The following SGCZ variants were observed in gnomAD, a reference collection of about 807,000 sequenced individuals.
The protein encoded by SGCZ is sarcoglycan zeta.
Under a neutral mutation model 41.3 loss-of-function variants are expected in SGCZ, and 40 were observed. The ratio of observed to expected loss-of-function variants is 0.97; its 90% CI spans 0.75 to 1.26. The LOEUF (loss-of-function observed/expected upper bound fraction) is 1.26, where lower values mean the gene tolerates loss of function less well. Ranked by LOEUF, SGCZ falls within the 50% of genes most tolerant of loss-of-function variation. SGCZ has a pLI of 0.00. For missense variants in SGCZ, 552 were observed against 369.8 expected (o/e 1.49, Z -4.04); for synonymous variants, 206 against 137.5 (o/e 1.50, Z -3.49).
chr8:15,236,006 A>C lies in SGCZ; in HGVS notation c.39+1579T>G, dbSNP rs80253189. Among the ~76,000 whole-genome samples the C allele has an allele frequency of 5.8e-3, 885 of 152,342 alleles. 7 individuals are homozygous for C. Among genetic ancestry groups the C allele is most frequent in the African/African-American group, 0.02 (831 of 41,584 alleles). On this transcript the variant is annotated intron_variant, in intron 1 of 7. Coordinates refer to ENST00000382080, the MANE Select transcript of SGCZ (RefSeq NM_139167.4). ...CGGAGTAGAGCAGAGAGATAAGAGG[A>C]AACTTCTAGCCCAGGCCAAGGTCTA...
At chr8:14,114,322 A>T (rs1213389926) in intron 5 of SGCZ, among the ~76,000 whole-genome samples, 7 of 152,034 alleles carry the variant, frequency 4.6e-5, no homozygotes, top group Admixed American at 4.6e-4. Context: ...ACAAATCAAC[A>T]TCCTGCGATG....
At chr8:14,397,287 A>G (rs1798946269) in intron 2 of SGCZ, among the ~76,000 whole-genome samples, 1 of 152,158 alleles carries the variant, frequency 6.6e-6, no homozygotes, top group Non-Finnish European at 1.5e-5. Flanking sequence ...CGAATATAGT[A>G]TTTCTGATGT....
chr8:15,015,427 C>T (rs1022261296), intron 1 of SGCZ, among the ~76,000 whole-genome samples: 19 of 151,678 alleles, frequency 1.3e-4, no homozygotes, highest in African/African-American at 3.4e-4. Flanking sequence ...TGGCTGGGCA[C>T]GGTGGCTCAC....
At chr8:14,659,392 T>C (rs1585161201) in intron 1 of SGCZ, among the ~76,000 whole-genome samples, 1 of 152,172 alleles carries the variant, frequency 6.6e-6, no homozygotes, top group East Asian at 1.9e-4. Context: ...AATGTAAAAA[T>C]TAATTGATAA....
chr8:14,766,727 ATTTTTT>A (rs33955290), intron 1 of SGCZ, among the ~76,000 whole-genome samples: 61 of 92,790 alleles, frequency 6.6e-4, no homozygotes, highest in African/African-American at 2.6e-3. Context: ...ATGTCCAGCT[ATTTTTT>A]TTTTTTTTTT....
At chr8:14,503,580 CA>C (rs1278588101) in intron 2 of SGCZ, among the ~76,000 whole-genome samples, 1 of 151,962 alleles carries the variant, frequency 6.6e-6, no homozygotes, top group Non-Finnish European at 1.5e-5. Flanking sequence ...CTACCCTGGC[CA>C]ACATGCTAAG....
intron 1 of SGCZ, among the ~76,000 whole-genome samples, chr8:15,199,702 T>G (rs537343981): frequency 6.6e-6 from 1 of 152,252 alleles, no homozygotes; most frequent in East Asian, 1.9e-4. Context: ...AAAGTAGAAA[T>G]TAGTAATTAC....
intron 1 of SGCZ, among the ~76,000 whole-genome samples, chr8:14,922,223 G>C (rs2130792827): frequency 6.6e-6 from 1 of 151,992 alleles, no homozygotes; most frequent in East Asian, 2.0e-4. Context: ...GCGTACGACT[G>C]TCCTTCCTTG....
At chr8:14,702,970 T>C (rs4831303) in intron 1 of SGCZ, among the ~76,000 whole-genome samples, 43,637 of 129,020 alleles carry the variant, frequency 0.34, 8,262 homozygotes, top group Non-Finnish European at 0.46. Context: ...GATAGATAGA[T>C]AGACAGACAG....
chr8:14,468,897 T>G (rs1254926418), intron 2 of SGCZ, among the ~76,000 whole-genome samples: 2 of 152,116 alleles, frequency 1.3e-5, no homozygotes, highest in African/African-American at 4.8e-5. Context: ...TGCATTATGC[T>G]TAACATGTAT....
chr8:14,644,765 TA>T (rs2117438742), intron 1 of SGCZ, among the ~76,000 whole-genome samples: 1 of 151,828 alleles, frequency 6.6e-6, no homozygotes, highest in South Asian at 2.1e-4. Flanking sequence ...ACTTCTTACG[TA>T]GCTAACAAAT....
At chr8:14,616,141 G>A (rs1039677949) in intron 1 of SGCZ, among the ~76,000 whole-genome samples, 1 of 151,980 alleles carries the variant, frequency 6.6e-6, no homozygotes. Flanking sequence ...AATTTAGCCG[G>A]GCGTGGGAGC....
At chr8:14,878,452 G>A (rs1804451700) in intron 1 of SGCZ, among the ~76,000 whole-genome samples, 1 of 152,122 alleles carries the variant, frequency 6.6e-6, no homozygotes, top group Non-Finnish European at 1.5e-5. Context: ...GATCTAGTGG[G>A]GGAAATAAGT....
intron 2 of SGCZ, among the ~76,000 whole-genome samples, chr8:14,452,479 T>C (rs968424879): frequency 6.6e-6 from 1 of 151,796 alleles, no homozygotes; most frequent in African/African-American, 2.4e-5. Flanking sequence ...CAAGACTCGA[T>C]CTCAAAAAAA....
chr8:14,415,315 T>A (rs1325791238), intron 2 of SGCZ, among the ~76,000 whole-genome samples: 1 of 151,940 alleles, frequency 6.6e-6, no homozygotes, highest in African/African-American at 2.4e-5. Context: ...ATATGAGTGC[T>A]TTCAGAAATA....
chr8:14,827,400 C>A (rs1427798838), intron 1 of SGCZ, among the ~76,000 whole-genome samples: 4 of 152,026 alleles, frequency 2.6e-5, no homozygotes, highest in African/African-American at 9.7e-5. Flanking sequence ...CCATGCCCAG[C>A]TAATTTTTGT....
At chr8:14,142,078 A>G (rs1803387727) in intron 5 of SGCZ, among the ~76,000 whole-genome samples, 2 of 152,192 alleles carry the variant, frequency 1.3e-5, no homozygotes, top group Non-Finnish European at 2.9e-5. Context: ...CAGAAAACCA[A>G]ACACCGCATG....
intron 1 of SGCZ, among the ~76,000 whole-genome samples, chr8:14,839,342 A>G (rs1802819954): frequency 6.6e-6 from 1 of 152,180 alleles, no homozygotes; most frequent in Non-Finnish European, 1.5e-5. Flanking sequence ...ACGCTTGCAG[A>G]GGACCCATTG....
At chr8:14,575,488 C>G (rs544149399) in intron 1 of SGCZ, among the ~76,000 whole-genome samples, 217 of 152,266 alleles carry the variant, frequency 1.4e-3, no homozygotes, top group African/African-American at 5.0e-3. Context: ...GAAACCCCAA[C>G]ATTTATAAAG....
Sources: gnomAD v4.1 joint callset for allele counts (sites outside exome capture counted in the v4.1 genomes callset) on GRCh38, gnomAD v4.1.1 for gene constraint, MANE v1.5 for transcripts, NCBI Gene and HGNC (gene_info 2026-07-23, HGNC 2026-07-21) for gene names.